FBLN1: variants seen among roughly 807,000 people sequenced by gnomAD.
FBLN1 encodes the protein fibulin-1.
In FBLN1, 34 loss-of-function variants were observed where a neutral mutation model predicts 89.7. The ratio of observed to expected loss-of-function variants is 0.38; its 90% CI spans 0.29 to 0.50. FBLN1 has a LOEUF of 0.50. FBLN1 is among the 20% of genes least tolerant of loss of function. The pLI is 0.92. For missense variants in FBLN1, 777 were observed against 988.1 expected, an observed-to-expected ratio of 0.79 and a Z score of 2.86; for synonymous variants, 393 against 391.3, an observed-to-expected ratio of 1.00 and a Z score of -0.05.
chr22:45,509,003 A>G (rs2088063348), intron 1 of FBLN1, among the ~76,000 whole-genome samples: 2 of 152,190 alleles, frequency 1.3e-5, no homozygotes, highest in Non-Finnish European at 2.9e-5. Context: ...CATTGGCGGT[A>G]GTTAGGGAGG....
In FBLN1 at chr22:45,530,736, C is replaced by T. The variant is rs1457251967; in HGVS notation, c.485-529C>T. Among the ~76,000 whole-genome samples the T allele has an allele frequency of 6.6e-6, 1 of 151,852 alleles. No individual in the cohort carries two copies. The highest frequency in any genetic ancestry group is 1.5e-5 in the Non-Finnish European group (1 of 67,990). On this transcript the variant is annotated intron_variant, in intron 4 of 16. Coordinates refer to ENST00000327858, the MANE Select transcript of FBLN1 (RefSeq NM_006486.3). The surrounding 1 kb of genome is among the most constrained non-coding windows in gnomAD (Gnocchi z 5.4). The stretch of plus-strand genomic sequence containing the variant: ...CCAGCATGAAGTCAATGATTACAGG[C>T]CTTTGTGTCTGTGGTCTTTCTGTTA...
At chr22:45,555,070 G>T (rs369180368) in intron 14 of FBLN1, among the ~76,000 whole-genome samples, 2 of 147,640 alleles carry the variant, frequency 1.4e-5, no homozygotes, top group Admixed American at 1.3e-4. Context: ...ACCGCAGGAG[G>T]TTAGGACCCG....
At chr22:45,523,590 G>A (rs757825810) in intron 2 of FBLN1, among the ~76,000 whole-genome samples, 39 of 152,174 alleles carry the variant, frequency 2.6e-4, no homozygotes, top group Non-Finnish European at 5.1e-4. Context: ...TGTAATCCCA[G>A]CTGCCGGTGA....
chr22:45,543,584 C>T, intron 11 of FBLN1, 58 bp downstream of exon 11: 1 of 1,591,824 alleles, frequency 6.3e-7, no homozygotes, highest in Non-Finnish European at 8.5e-7. Flanking sequence ...CTGGGGAAGC[C>T]ACCCTTCTGC....
At chr22:45,548,419 T>C (rs753628362) in intron 12 of FBLN1, among the ~76,000 whole-genome samples, 194 bp from the exon 13 acceptor site, 3 of 152,222 alleles carry the variant, frequency 2.0e-5, no homozygotes, top group Non-Finnish European at 4.4e-5. Context: ...CTTCACACCA[T>C]GAACTTGCTG....
At position 45,600,476 on chromosome 22, in the gene FBLN1, A is replaced by G. The variant is rs748076949; in HGVS notation, c.*30A>G. 31 of 1,613,704 alleles carry G rather than the reference A, an allele frequency of 1.9e-5. No homozygotes were observed. The highest frequency in any genetic ancestry group is 2.7e-5 in the African/African-American group (2 of 74,894). Reference sequence around the variant, plus strand: ...TGGTCTGCCGCACAGCCGCAGGTGCACCTCCAGGCCAAATCATTGCTGCCA... The same window carrying G: ...TGGTCTGCCGCACAGCCGCAGGTGCGCCTCCAGGCCAAATCATTGCTGCCA... On this transcript the variant is annotated 3_prime_UTR_variant, in exon 17 of 17. Coordinates refer to ENST00000327858, the MANE Select transcript of FBLN1 (RefSeq NM_006486.3).
chr22:45,564,879 T>C lies in FBLN1; in HGVS notation c.1698-9632T>C, dbSNP rs368851767. On this transcript the variant is annotated intron_variant, in intron 14 of 16. Transcript: ENST00000327858. Reference sequence around the variant, plus strand: ...GCTGTGACACTGTGCTGACACTGTTTCCAGGCAGAAATCCAAGAAGGGAAG... The same window carrying C: ...GCTGTGACACTGTGCTGACACTGTTCCCAGGCAGAAATCCAAGAAGGGAAG... 24 of 1,613,784 alleles carry C rather than the reference T, an allele frequency of 1.5e-5. No individual in the cohort carries two copies. The African/African-American group carries it at 2.5e-4, about 17-fold the overall frequency.
rs140223262 is a variant in FBLN1, at chr22:45,524,520, T to C, written c.186-1023T>C. 2.5e-3 allele frequency among the ~76,000 whole-genome samples: 377 copies of C among 152,306 alleles called. 3 individuals carry two copies. In the East Asian group the frequency reaches 0.044, roughly 18 times the overall value. On this transcript the variant is annotated intron_variant, in intron 2 of 16. Transcript: ENST00000327858. ...CCACTGCAGCCACCATCCCTCCCTC[T>C]GGGGCCTTGGGCAGGCTACCCAACA...
In FBLN1 at chr22:45,533,106, G is replaced by A. The variant is rs762192271; in HGVS notation, c.588G>A (p.Glu196=). 3 of 1,614,210 alleles carry A rather than the reference G, an allele frequency of 1.9e-6. No individual in the cohort carries two copies. The highest frequency in any genetic ancestry group is 1.1e-5 in the South Asian group (1 of 91,082). ...CKQQCRDTGD[E]VVCSCFVGYQ... is the part of the protein sequence containing the mutation. ...AGCAGTGCCGAGACACGGGTGACGAGGTGGTCTGCTCCTGCTTCGTGGGCT... is the reference window on the plus strand; with the variant it reads ...AGCAGTGCCGAGACACGGGTGACGAAGTGGTCTGCTCCTGCTTCGTGGGCT... The change falls in exon 6 of 17, where the codon GAG becomes GAA. Residue 196 remains glutamate, a synonymous_variant. Coordinates refer to ENST00000327858, the MANE Select transcript of FBLN1 (RefSeq NM_006486.3).
At chr22:45,521,924 T>C (rs760473945) in intron 2 of FBLN1, among the ~76,000 whole-genome samples, 3 of 152,176 alleles carry the variant, frequency 2.0e-5, no homozygotes, top group African/African-American at 7.2e-5. Flanking sequence ...AATAGTGATA[T>C]TTAAAAGATG....
Position 45,599,804 on chromosome 22 carries a change from C to G in FBLN1, c.1973-503C>G, listed in dbSNP as rs190317273. ...TGGTGGCACATGCCTGTAATCCCAG[C>G]TACTCGGGAGGCTGAGGCAGGAGAA... On this transcript the variant is annotated intron_variant, in intron 16 of 16. Transcript: ENST00000327858. Among the ~76,000 whole-genome samples, 9 of 152,272 alleles carry G rather than the reference C, an allele frequency of 5.9e-5. No homozygotes were observed. The East Asian group carries it at 1.7e-3, about 29-fold the overall frequency.
chr22:45,581,911 C>T lies in FBLN1; in HGVS notation c.1972+4803C>T, dbSNP rs758033848. Among the ~76,000 whole-genome samples, 8 of 152,040 alleles carry T rather than the reference C, an allele frequency of 5.3e-5. No individual in the cohort carries two copies. Among genetic ancestry groups the T allele is most frequent in the East Asian group, 1.9e-4 (1 of 5,168 alleles). ...GGTGCAGGGAGGGTCGAGGGGAGGCCGAAAGGGGCTGCAGGGCCAGGCCTT... is the reference window on the plus strand; with the variant it reads ...GGTGCAGGGAGGGTCGAGGGGAGGCTGAAAGGGGCTGCAGGGCCAGGCCTT... On this transcript the variant is annotated intron_variant, in intron 16 of 16. Transcript: ENST00000327858. This position sits in a 1 kb window ranked among gnomAD's most constrained non-coding sequence, Gnocchi z 7.6.
rs12628467 is a variant in FBLN1, at chr22:45,536,619, G to A, written c.922+1282G>A. ...ATCTCTACTAAAAATACAAAAATTAGCTGGGCGTAGTGATGGGCGCCTGTA... is the reference window on the plus strand; with the variant it reads ...ATCTCTACTAAAAATACAAAAATTAACTGGGCGTAGTGATGGGCGCCTGTA... On this transcript the variant is annotated intron_variant, in intron 8 of 16. Transcript: ENST00000327858. The surrounding 1 kb of genome is among the most constrained non-coding windows in gnomAD (Gnocchi z 5.1). Among the ~76,000 whole-genome samples, 1 of 152,080 alleles carries A rather than the reference G, an allele frequency of 6.6e-6. No individual in the cohort carries two copies. The highest frequency in any genetic ancestry group is 6.6e-5 in the Admixed American group (1 of 15,264).
chr22:45,553,830 T>C (rs892039683), intron 14 of FBLN1, among the ~76,000 whole-genome samples: 5 of 152,138 alleles, frequency 3.3e-5, no homozygotes, highest in African/African-American at 9.7e-5. Context: ...ACACCTCCCA[T>C]TGCTTTCCTC....
intron 14 of FBLN1, among the ~76,000 whole-genome samples, chr22:45,566,128 T>G (rs542582045): frequency 1.1e-3 from 173 of 152,324 alleles, no homozygotes; most frequent in Non-Finnish European, 1.7e-3. Flanking sequence ...TCTTGTCCTA[T>G]TCAGGCATCC....
In FBLN1 at chr22:45,576,138, C is replaced by A. The variant is rs374201497; in HGVS notation, c.1841-839C>A. Among the ~76,000 whole-genome samples, 1 of 152,214 alleles carries A rather than the reference C, an allele frequency of 6.6e-6. No homozygotes were observed. The highest frequency in any genetic ancestry group is 2.4e-5 in the African/African-American group (1 of 41,448). ...GTTTGCTCCTCCCGAAAAGGAATAA[C>A]GCTGAATCGTCACAGGGTGGCACAG... On this transcript the variant is annotated intron_variant, in intron 15 of 16. Coordinates refer to ENST00000327858, the MANE Select transcript of FBLN1 (RefSeq NM_006486.3). This position sits in a 1 kb window ranked among gnomAD's most constrained non-coding sequence, Gnocchi z 5.2.
rs1472698943 is a variant in FBLN1 at position 45,581,646 on chromosome 22, TTTG to T, written c.1972+4540_1972+4542del. ...GGTTGCAGGGAGCTACGGAGTTGTC[TTTG>T]TAGTTTTTTGCAGGCCAGCCCCTCC... On this transcript the variant is annotated intron_variant, in intron 16 of 16. Transcript: ENST00000327858. The surrounding 1 kb of genome is among the most constrained non-coding windows in gnomAD (Gnocchi z 7.6). Among the ~76,000 whole-genome samples, 4 of 152,016 alleles carry T rather than the reference TTTG, an allele frequency of 2.6e-5. No homozygotes were observed. The highest frequency in any genetic ancestry group is 9.7e-5 in the African/African-American group (4 of 41,390).
rs746359164 is a variant in FBLN1 at position 45,533,079 on chromosome 22, G to A, written c.561G>A (p.Lys187=). The A allele has an allele frequency of 1.2e-6, 2 of 1,614,142 alleles. No individual in the cohort carries two copies. The highest frequency in any genetic ancestry group is 3.3e-5 in the Admixed American group (2 of 60,030). The change falls in exon 6 of 17, where the codon AAG becomes AAA. Residue 187 remains lysine, a synonymous_variant. Coordinates refer to ENST00000327858, the MANE Select transcript of FBLN1 (RefSeq NM_006486.3). ...NDRCRGGGPC[K]QQCRDTGDEV... is the part of the protein sequence containing the mutation. ...TGCTTCCAGGAGGCGGGCCCTGCAAGCAGCAGTGCCGAGACACGGGTGACG... is the reference window on the plus strand; with the variant it reads ...TGCTTCCAGGAGGCGGGCCCTGCAAACAGCAGTGCCGAGACACGGGTGACG...
chr22:45,591,835 C>CG (rs2089139682), intron 16 of FBLN1, among the ~76,000 whole-genome samples: 1 of 143,604 alleles, frequency 7.0e-6, no homozygotes, highest in Non-Finnish European at 1.5e-5. Context: ...CGCCATTTTG[C>CG]AGACAGGAGG....
Sources: gnomAD v4.1 joint callset for allele counts (sites outside exome capture counted in the v4.1 genomes callset) on GRCh38, gnomAD v4.1.1 for gene constraint, Gnocchi (gnomAD v3.1) non-coding constraint, MANE v1.5 for transcripts, NCBI Gene and HGNC (gene_info 2026-07-23, HGNC 2026-07-21) for gene names.